Variants in SNRPD1 observed in about 807,000 individuals in gnomAD.
SNRPD1 encodes small nuclear ribonucleoprotein D1 polypeptide.
In SNRPD1, 1 loss-of-function variant was observed where a neutral mutation model predicts 14.4. The observed-to-expected ratio is 0.07, with a 90% confidence interval of 0.02 to 0.33. The LOEUF is 0.33. Among genes scored for constraint, SNRPD1 ranks in the 10% least tolerant of loss-of-function variants. The probability of loss-of-function intolerance (pLI) is 1.00; values close to 1 mark genes in which losing one functional copy is unlikely to be tolerated. For synonymous variants in SNRPD1, 42 were observed against 50.3 expected, an observed-to-expected ratio of 0.83 and a Z score of 0.70; for missense variants, 52 against 146.4, an observed-to-expected ratio of 0.36 and a Z score of 3.33.
In SNRPD1 at chr18:21,623,929, A is replaced by G; in HGVS notation, c.273A>G (p.Lys91=). The change falls in exon 3 of 4, where the codon AAA becomes AAG. Residue 91 remains lysine, a synonymous_variant. Transcript: ENST00000300413. ...TTGAACCTAAGGTGAAATCTAAGAA[A>G]AGGGAAGCTGGTAAGTTTGAAGGAT... ...VDVEPKVKSK[K]REAVAGRGRG... 1 of 1,594,334 alleles carries G rather than the reference A, an allele frequency of 6.3e-7. No individual in the cohort carries two copies. The highest frequency in any genetic ancestry group is 1.4e-5 in the African/African-American group (1 of 73,922).
intron 3 of SNRPD1, 41 bp downstream of exon 3, chr18:21,623,980 C>T: frequency 8.7e-7 from 1 of 1,155,224 alleles, no homozygotes; most frequent in Non-Finnish European, 1.3e-6. Flanking sequence ...GAATGCTAAT[C>T]CTAATCCACA....
intron 1 of SNRPD1, among the ~76,000 whole-genome samples, chr18:21,618,673 C>T (rs1041565983): frequency 1.3e-5 from 2 of 151,940 alleles, no homozygotes; most frequent in African/African-American, 2.4e-5. Flanking sequence ...GTTACCAATT[C>T]GTTGAGAAAA....
intron 1 of SNRPD1, among the ~76,000 whole-genome samples, chr18:21,613,234 G>T (rs2038932292): frequency 6.6e-6 from 1 of 152,208 alleles, no homozygotes; most frequent in South Asian, 2.1e-4. Context: ...GTTTGCTGAT[G>T]TGAATAATTC....
chr18:21,627,922 T>C (rs992299267), intron 3 of SNRPD1, among the ~76,000 whole-genome samples: 1 of 152,216 alleles, frequency 6.6e-6, no homozygotes, highest in Non-Finnish European at 1.5e-5. Flanking sequence ...GTACGTTTCC[T>C]TAGTTTCCTT....
chr18:21,619,807 C>T (rs1415625525), intron 1 of SNRPD1, among the ~76,000 whole-genome samples: 2 of 151,898 alleles, frequency 1.3e-5, no homozygotes, highest in South Asian at 2.1e-4. Context: ...TAAAAAAAGA[C>T]GGAGTCTTGC....
At chr18:21,615,037 T>C (rs1050172032) in intron 1 of SNRPD1, among the ~76,000 whole-genome samples, 1 of 152,160 alleles carries the variant, frequency 6.6e-6, no homozygotes, top group African/African-American at 2.4e-5. Flanking sequence ...GTAAACACTT[T>C]TGTAACCTAA....
At chr18:21,616,202 T>C (rs568789776) in intron 1 of SNRPD1, among the ~76,000 whole-genome samples, 2 of 151,684 alleles carry the variant, frequency 1.3e-5, no homozygotes, top group African/African-American at 4.8e-5. Context: ...AGCCAGGATG[T>C]TCTCAATCTC....
At chr18:21,618,873 T>C (rs2038976822) in intron 1 of SNRPD1, among the ~76,000 whole-genome samples, 1 of 152,178 alleles carries the variant, frequency 6.6e-6, no homozygotes, top group African/African-American at 2.4e-5. Flanking sequence ...TCAGCCAACA[T>C]TATTCAGTGC....
chr18:21,627,913 T>A (rs1296339991), intron 3 of SNRPD1, among the ~76,000 whole-genome samples: 1 of 152,218 alleles, frequency 6.6e-6, no homozygotes, highest in Non-Finnish European at 1.5e-5. Context: ...CATTTACTTG[T>A]ACGTTTCCTT....
Position 21,623,520 on chromosome 18 carries a change from C to T in SNRPD1, c.92-228C>T, listed in dbSNP as rs578183719. Among the ~76,000 whole-genome samples, 4 of 152,314 alleles carry T rather than the reference C, an allele frequency of 2.6e-5. No homozygotes were observed. In the East Asian group the frequency reaches 7.7e-4, roughly 29 times the overall value. ...GTTCTTCCATGGCTTGCTGCATTCACTTCTGTAAGCAAAACATTAGTGTGC... is the reference window on the plus strand; with the variant it reads ...GTTCTTCCATGGCTTGCTGCATTCATTTCTGTAAGCAAAACATTAGTGTGC... On this transcript the variant is annotated intron_variant, in intron 2 of 3. Coordinates refer to ENST00000300413, the MANE Select transcript of SNRPD1 (RefSeq NM_006938.4).
chr18:21,614,248 CAG>C (rs1283383215), intron 1 of SNRPD1, among the ~76,000 whole-genome samples: 1 of 152,176 alleles, frequency 6.6e-6, no homozygotes, highest in Admixed American at 6.5e-5. Context: ...GCCTGGGCAA[CAG>C]AGTGAGACTC....
chr18:21,617,138 G>A (rs909131432), intron 1 of SNRPD1, among the ~76,000 whole-genome samples: 3 of 151,572 alleles, frequency 2.0e-5, no homozygotes, highest in Admixed American at 1.3e-4. Context: ...CCTGTTACAC[G>A]TCTTTGGCAC....
rs1477785902 is a variant in SNRPD1, at chr18:21,623,954, T to C, written c.283+15T>C. 6.5e-7 allele frequency: 1 copy of C among 1,530,494 alleles called. No individual in the cohort carries two copies. Among genetic ancestry groups the C allele is most frequent in the South Asian group, 1.2e-5 (1 of 84,852 alleles). 94.8% of individuals were successfully genotyped at this position (1,530,494 alleles called of 1,614,324 possible). ...AAGGGAAGCTGGTAAGTTTGAAGGA[T>C]TATAAACATTTTTGTGAATGCTAAT... is the stretch of plus-strand genomic sequence containing the variant. On this transcript the variant is annotated intron_variant, in intron 3 of 3. Transcript: ENST00000300413.
chr18:21,619,311 C>G (rs1028462787), intron 1 of SNRPD1, among the ~76,000 whole-genome samples: 2 of 152,094 alleles, frequency 1.3e-5, no homozygotes, highest in Non-Finnish European at 2.9e-5. Context: ...TCCCCAGTAG[C>G]TGGGATTACA....
rs141378151 is a variant in SNRPD1, at chr18:21,631,529, C to T, written c.*2391C>T. ...TTGGCTCACTGCAAGCTCTGCCTCCCGGGTTCAGGCCATTCTCCTGCCTCA... is the reference window on the plus strand; with the variant it reads ...TTGGCTCACTGCAAGCTCTGCCTCCTGGGTTCAGGCCATTCTCCTGCCTCA... On this transcript the variant is annotated 3_prime_UTR_variant, in exon 4 of 4. Transcript: ENST00000300413. The T allele has an allele frequency of 0.15, 21,852 of 144,470 alleles. 1,843 individuals carry two copies. Among genetic ancestry groups the T allele is most frequent in the Middle Eastern group, 0.27 (76 of 278 alleles). The allele number at this position is 144,470 out of a possible 1,614,324, so 8.9% of individuals were successfully genotyped here.
intron 1 of SNRPD1, among the ~76,000 whole-genome samples, chr18:21,613,321 T>G (rs1456559929): frequency 6.6e-6 from 1 of 152,220 alleles, no homozygotes; most frequent in Non-Finnish European, 1.5e-5. Flanking sequence ...ACGTTTCTAA[T>G]AGCTAAGCCA....
rs2039090700 is a variant in SNRPD1, at chr18:21,632,386, G to A, written c.*3248G>A. On this transcript the variant is annotated 3_prime_UTR_variant, in exon 4 of 4. Coordinates refer to ENST00000300413, the MANE Select transcript of SNRPD1 (RefSeq NM_006938.4). Reference sequence around the variant, plus strand: ...AGGCAGGAGAATCACTTGAACCCTGGAGGCAGAGGTTGCAGTGAGCTGAGA... The same window carrying A: ...AGGCAGGAGAATCACTTGAACCCTGAAGGCAGAGGTTGCAGTGAGCTGAGA... 6.6e-6 allele frequency: 1 copy of A among 151,804 alleles called. No homozygotes were observed. The highest frequency in any genetic ancestry group is 6.6e-5 in the Admixed American group (1 of 15,218). The allele number at this position is 151,804 out of a possible 1,614,324, so 9.4% of individuals were successfully genotyped here.
intron 1 of SNRPD1, among the ~76,000 whole-genome samples, chr18:21,617,795 A>G (rs1403766849): frequency 1.3e-5 from 2 of 151,878 alleles, no homozygotes; most frequent in East Asian, 1.9e-4. Context: ...TTGGGCCAAC[A>G]TGGTAAAACC....
At chr18:21,615,338 G>A (rs927738069) in intron 1 of SNRPD1, among the ~76,000 whole-genome samples, 1 of 152,126 alleles carries the variant, frequency 6.6e-6, no homozygotes, top group Non-Finnish European at 1.5e-5. Context: ...ATTTTAGGCC[G>A]GGCGCAGTGG....
Sources: allele counts gnomAD v4.1 joint callset (sites outside exome capture counted in the v4.1 genomes callset), GRCh38; gene constraint gnomAD v4.1.1; transcripts MANE v1.5; gene names NCBI Gene and HGNC (gene_info 2026-07-23, HGNC 2026-07-21).